The following CTNNA2 variants were observed in gnomAD, a reference collection of about 807,000 sequenced individuals.
CTNNA2 encodes the protein catenin alpha-2.
A neutral mutation model predicts 101.0 loss-of-function variants in CTNNA2; 42 were observed. The ratio of observed to expected loss-of-function variants is 0.42; its 90% CI spans 0.32 to 0.54. The LOEUF (loss-of-function observed/expected upper bound fraction) is 0.54. Among genes scored for constraint, CTNNA2 ranks in the 20% least tolerant of loss-of-function variants. The probability of loss-of-function intolerance (pLI) is 0.14; values close to 1 mark genes in which losing one functional copy is unlikely to be tolerated. For synonymous variants in CTNNA2, 450 were observed against 456.4 expected (o/e 0.99, Z 0.18); for missense variants, 871 against 1,223.1 (o/e 0.71, Z 4.29).
intron 7 of CTNNA2, among the ~76,000 whole-genome samples, chr2:80,125,474 C>T (rs1702061934): frequency 6.6e-6 from 1 of 152,146 alleles, no homozygotes; most frequent in African/African-American, 2.4e-5. Context: ...ATTTGGCCGC[C>T]CACATGGATG....
intron 7 of CTNNA2, among the ~76,000 whole-genome samples, chr2:80,263,459 C>T (rs1158284570): frequency 1.3e-5 from 2 of 152,112 alleles, no homozygotes; most frequent in Non-Finnish European, 2.9e-5. Context: ...CTCAGCTTCT[C>T]GAGTAGATGG....
chr2:80,098,474 G>A (rs540859717), intron 7 of CTNNA2, among the ~76,000 whole-genome samples: 1 of 152,344 alleles, frequency 6.6e-6, no homozygotes, highest in Non-Finnish European at 1.5e-5. Flanking sequence ...TTGAGAGGCA[G>A]TATCCCCGTT....
intron 2 of CTNNA2, among the ~76,000 whole-genome samples, chr2:79,741,082 AG>A (rs11378350): frequency 6.6e-6 from 1 of 151,850 alleles, no homozygotes; most frequent in East Asian, 1.9e-4. Flanking sequence ...ACGGCAACTC[AG>A]GGGAAGGAGT....
At chr2:80,010,903 G>A (rs1014506657) in intron 7 of CTNNA2, among the ~76,000 whole-genome samples, 4 of 151,992 alleles carry the variant, frequency 2.6e-5, no homozygotes, top group South Asian at 2.1e-4. Context: ...GAAGATCTTC[G>A]AAATCTCTGT....
intron 5 of CTNNA2, among the ~76,000 whole-genome samples, chr2:79,872,344 G>T (rs891261195): frequency 6.6e-6 from 1 of 151,288 alleles, no homozygotes; most frequent in South Asian, 2.1e-4. Context: ...TTCACAACCC[G>T]CATTTCTCAC....
chr2:80,533,237 C>T (rs2149599417), intron 9 of CTNNA2, among the ~76,000 whole-genome samples: 1 of 152,206 alleles, frequency 6.6e-6, no homozygotes, highest in South Asian at 2.1e-4. Context: ...AGATCTATTT[C>T]TACTGGTTGT....
intron 1 of CTNNA2, among the ~76,000 whole-genome samples, chr2:79,638,534 A>G (rs980057944): frequency 2.0e-5 from 3 of 152,188 alleles, no homozygotes; most frequent in African/African-American, 2.4e-5. Flanking sequence ...TCATAATTCA[A>G]TTGAAAGGGG....
chr2:80,603,849 T>C (rs1697767977), intron 15 of CTNNA2: 1 of 504,034 alleles, frequency 2.0e-6, no homozygotes. Context: ...TAGAACTTAA[T>C]GTAAAAGATA....
chr2:79,758,847 T>C (rs770132823), intron 3 of CTNNA2, among the ~76,000 whole-genome samples: 2 of 152,242 alleles, frequency 1.3e-5, no homozygotes, highest in Admixed American at 6.5e-5. Flanking sequence ...AATCCACTGT[T>C]GATCAGTACC....
intron 1 of CTNNA2, among the ~76,000 whole-genome samples, chr2:79,600,588 A>G (rs1401752128): frequency 2.0e-5 from 3 of 152,202 alleles, no homozygotes; most frequent in Non-Finnish European, 2.9e-5. Flanking sequence ...GTTCCACCTC[A>G]CTATTGAACA....
chr2:80,642,125 G>T (rs146737739), intron 18 of CTNNA2, among the ~76,000 whole-genome samples: 10 of 151,972 alleles, frequency 6.6e-5, no homozygotes, highest in African/African-American at 1.9e-4. Flanking sequence ...TTATATTTCC[G>T]CAATCTAGGT....
intron 2 of CTNNA2, among the ~76,000 whole-genome samples, chr2:79,252,547 T>C (rs935640279): frequency 4.6e-5 from 7 of 152,116 alleles, no homozygotes; most frequent in African/African-American, 1.7e-4. Context: ...TCCCTTCACT[T>C]AGCCAATTTC....
At chr2:80,621,907 G>A (rs959141840) in intron 18 of CTNNA2, among the ~76,000 whole-genome samples, 1 of 151,836 alleles carries the variant, frequency 6.6e-6, no homozygotes, top group South Asian at 2.1e-4. Context: ...GGATTGCACT[G>A]GGGAGTCTTA....
intron 7 of CTNNA2, among the ~76,000 whole-genome samples, chr2:80,251,267 C>T (rs1671743600): frequency 6.6e-6 from 1 of 152,122 alleles, no homozygotes; most frequent in South Asian, 2.1e-4. Flanking sequence ...ATATTGTTTT[C>T]TCCTTCTTTG....
At chr2:80,072,453 C>T (rs75095616) in intron 7 of CTNNA2, among the ~76,000 whole-genome samples, 1,732 of 152,224 alleles carry the variant, frequency 0.011, 33 homozygotes, top group African/African-American at 0.039. Flanking sequence ...CCCACTGCTC[C>T]GTATCACTTT....
chr2:80,054,266 G>A (rs1697070041), intron 7 of CTNNA2, among the ~76,000 whole-genome samples: 1 of 152,184 alleles, frequency 6.6e-6, no homozygotes, highest in South Asian at 2.1e-4. Context: ...AACAACTCCA[G>A]CGGGTTTGTG....
At chr2:79,690,553 G>A (rs554321622) in intron 2 of CTNNA2, among the ~76,000 whole-genome samples, 4 of 152,106 alleles carry the variant, frequency 2.6e-5, no homozygotes, top group African/African-American at 9.6e-5. Flanking sequence ...GGGCTTTTGG[G>A]TTGGTTCCAA....
intron 7 of CTNNA2, among the ~76,000 whole-genome samples, chr2:80,322,972 A>G (rs984776744): frequency 1.3e-5 from 2 of 152,214 alleles, no homozygotes; most frequent in Non-Finnish European, 2.9e-5. Flanking sequence ...GGGAACAGGC[A>G]AAAGGGAGAA....
intron 7 of CTNNA2, among the ~76,000 whole-genome samples, chr2:80,007,128 T>C (rs1162181413): frequency 6.6e-6 from 1 of 152,162 alleles, no homozygotes; most frequent in Non-Finnish European, 1.5e-5. Context: ...GTTCCACATC[T>C]CAATTGAGCT....
Sources: allele counts gnomAD v4.1 joint callset (sites outside exome capture counted in the v4.1 genomes callset), GRCh38; gene constraint gnomAD v4.1.1; transcripts MANE v1.5; gene names NCBI Gene and HGNC (gene_info 2026-07-23, HGNC 2026-07-21).